Variants in GOT2 observed in about 807,000 individuals in gnomAD.
GOT2 encodes aspartate aminotransferase, mitochondrial.
A neutral mutation model predicts 50.0 loss-of-function variants in GOT2; 17 were observed. That is an observed-to-expected ratio of 0.34 (90% CI 0.23 to 0.51). The LOEUF (loss-of-function observed/expected upper bound fraction) is 0.51. Ranked by LOEUF, GOT2 falls within the 20% of genes least tolerant of loss-of-function variation. The pLI is 0.97. For synonymous variants in GOT2, 172 were observed against 204.9 expected, an observed-to-expected ratio of 0.84 and a Z score of 1.37; for missense variants, 430 against 559.6, an observed-to-expected ratio of 0.77 and a Z score of 2.34.
chr16:58,709,818 AC>A (rs1844855853), intron 8 of GOT2, among the ~76,000 whole-genome samples: 1 of 152,128 alleles, frequency 6.6e-6, no homozygotes, highest in Non-Finnish European at 1.5e-5. Context: ...TTGACTTACA[AC>A]TTTTCAACTT....
intron 7 of GOT2, 126 bp from the exon 8 acceptor site, chr16:58,716,305 T>A: frequency 1.1e-6 from 1 of 949,254 alleles, no homozygotes; most frequent in Non-Finnish European, 1.6e-6. Context: ...TTATTATAAA[T>A]AAAAAGCTTT....
chr16:58,715,301 A>G (rs917912930), intron 8 of GOT2, among the ~76,000 whole-genome samples: 5 of 152,190 alleles, frequency 3.3e-5, no homozygotes, highest in African/African-American at 1.2e-4. Context: ...TTTGAAACTG[A>G]TTTTAGGGGA....
chr16:58,732,807 C>A (rs1413113620), intron 1 of GOT2, among the ~76,000 whole-genome samples: 1 of 152,236 alleles, frequency 6.6e-6, no homozygotes, highest in African/African-American at 2.4e-5. Flanking sequence ...GGGAAACATA[C>A]TTTCTCTTGA....
intron 9 of GOT2, 105 bp downstream of exon 9, chr16:58,709,308 CAAAA>C: frequency 1.3e-6 from 1 of 790,264 alleles, no homozygotes; most frequent in East Asian, 3.0e-5. Flanking sequence ...CAAAACAAAA[CAAAA>C]AACCCGAAAA....
intron 7 of GOT2, 37 bp downstream of exon 7, chr16:58,716,626 C>T: frequency 1.3e-6 from 2 of 1,596,084 alleles, no homozygotes; most frequent in African/African-American, 1.3e-5. Context: ...TCTCTCCCAG[C>T]ATGAGAGCAT....
At chr16:58,716,923 C>T (rs987227017) in intron 6 of GOT2, 110 bp from the exon 7 acceptor site, 2 of 936,010 alleles carry the variant, frequency 2.1e-6, no homozygotes, top group African/African-American at 1.6e-5. Context: ...CCAATAAGCA[C>T]AATAAGCCTT....
chr16:58,716,186 G>A lies in GOT2; in HGVS notation c.854-7C>T, dbSNP rs767786168. On this transcript the variant is annotated splice_polypyrimidine_tract_variant and splice_region_variant and intron_variant, in intron 7 of 9. Transcript: ENST00000245206. Reference sequence around the variant, plus strand: ...AAGGCTCCTACACGCTCACCTGAAAGACAAAAATGGATCTCGTCTTCTACT... The same window carrying A: ...AAGGCTCCTACACGCTCACCTGAAAAACAAAAATGGATCTCGTCTTCTACT... 4 of 1,610,456 alleles carry A rather than the reference G, an allele frequency of 2.5e-6. No homozygotes were observed. Among genetic ancestry groups the A allele is most frequent in the South Asian group, 1.1e-5 (1 of 90,286 alleles).
intron 1 of GOT2, among the ~76,000 whole-genome samples, chr16:58,726,510 T>TATTTATTTATTTATTTATTTATTTATTC (rs1555509479): frequency 6.6e-6 from 1 of 151,018 alleles, no homozygotes; most frequent in Non-Finnish European, 1.5e-5. Context: ...TTTATTTATT[T>TATTTATTTATTTATTTATTTATTTATTC]TTGAGACGGA....
chr16:58,725,061 G>A (rs896288556), intron 1 of GOT2, among the ~76,000 whole-genome samples: 6 of 151,848 alleles, frequency 4.0e-5, no homozygotes, highest in Admixed American at 2.0e-4. Context: ...AAGCTTTTGG[G>A]AGAACAGTAA....
chr16:58,728,622 G>GT (rs2044806544), intron 1 of GOT2, among the ~76,000 whole-genome samples: 1 of 152,178 alleles, frequency 6.6e-6, no homozygotes, highest in East Asian at 1.9e-4. Context: ...AAGCATGGCT[G>GT]TGGGGGGAGA....
chr16:58,708,438 A>G, intron 9 of GOT2, 145 bp from the exon 10 acceptor site: 1 of 740,844 alleles, frequency 1.3e-6, no homozygotes, highest in Non-Finnish European at 2.1e-6. Context: ...GGAATAAAAT[A>G]AGAATAAAAA....
At chr16:58,728,627 G>T (rs1255364488) in intron 1 of GOT2, among the ~76,000 whole-genome samples, 1 of 152,066 alleles carries the variant, frequency 6.6e-6, no homozygotes, top group Admixed American at 6.6e-5. Flanking sequence ...TGGCTGTGGG[G>T]GGAGACAATG....
Position 58,716,035 on chromosome 16 carries a change from G to A in GOT2, c.998C>T (p.Thr333Ile), listed in dbSNP as rs1249620765. 6 of 1,612,830 alleles carry A rather than the reference G, an allele frequency of 3.7e-6. No homozygotes were observed. Among genetic ancestry groups the A allele is most frequent in the African/African-American group, 2.7e-5 (2 of 74,820 alleles). Residue 333 changes from threonine (T) to isoleucine (I), a missense_variant, in exon 8 of 10, where the codon ACC becomes ATC. Transcript: ENST00000245206. ...TTACCATTGTTTTCGCAAATCTGGG[G>A]TGTTCAGAATGGCAGCAGCAATCCG... Reference protein sequence around the residue: ...GARIAAAILNTPDLRKQWLQE... With the variant: ...GARIAAAILNIPDLRKQWLQE...
In GOT2 at chr16:58,715,458, G is replaced by A. The variant is rs997207700; in HGVS notation, c.1019+556C>T. Among the ~76,000 whole-genome samples, 122 of 152,230 alleles carry A rather than the reference G, an allele frequency of 8.0e-4. No individual in the cohort carries two copies. In the Middle Eastern group the frequency reaches 0.01, roughly 13 times the overall value. ...GGCTGAGGCTGGAGGACTGCTTGAGGCCAGGAGTACAAAGTTACAGTGAGT... is the reference window on the plus strand; with the variant it reads ...GGCTGAGGCTGGAGGACTGCTTGAGACCAGGAGTACAAAGTTACAGTGAGT... On this transcript the variant is annotated intron_variant, in intron 8 of 9. Transcript: ENST00000245206.
Position 58,716,689 on chromosome 16 carries a change from G to T in GOT2, c.827C>A (p.Ser276Ter). 2.5e-6 allele frequency: 4 copies of T among 1,613,928 alleles called. No homozygotes were observed. The highest frequency in any genetic ancestry group is 3.4e-6 in the Non-Finnish European group (4 of 1,179,854). ...ATATAAGCCCATGTTCTTGGCATAT[G>T]ATTGGCAGAGGCAAACATTAATGCC... is the stretch of plus-strand genomic sequence containing the variant. ...EQGINVCLCQ[S>*]YAKNMGLYGE... Residue 276 changes from serine to a stop codon, truncating the protein, a stop_gained, in exon 7 of 10, where the codon TCA becomes TAA. Coordinates refer to ENST00000245206, the MANE Select transcript of GOT2 (RefSeq NM_002080.4). LOFTEE classifies it high-confidence loss of function.
chr16:58,714,642 TAGG>T, intron 8 of GOT2, among the ~76,000 whole-genome samples: 1 of 151,270 alleles, frequency 6.6e-6, no homozygotes, highest in Non-Finnish European at 1.5e-5. Context: ...TGCTAGAGCC[TAGG>T]AGGTGGAGGT....
Position 58,723,837 on chromosome 16 carries a change from T to C in GOT2, c.155A>G (p.Lys52Arg). Residue 52 changes from lysine to arginine, a missense_variant, in exon 2 of 10, where the codon AAG becomes AGG. Transcript: ENST00000245206. ...CATCTTTTTGCTATTGGTGTCCCTC[T>C]TAAAGGCTTCAGTGACTCCCAGAAT... is the stretch of plus-strand genomic sequence containing the variant. ...DPILGVTEAF[K>R]RDTNSKKMNL... 6.2e-7 allele frequency: 1 copy of C among 1,613,418 alleles called. No individual in the cohort carries two copies. Among genetic ancestry groups the C allele is most frequent in the Non-Finnish European group, 8.5e-7 (1 of 1,179,330 alleles).
At chr16:58,725,385 G>A (rs1292788484) in intron 1 of GOT2, among the ~76,000 whole-genome samples, 2 of 152,146 alleles carry the variant, frequency 1.3e-5, no homozygotes, top group South Asian at 2.1e-4. Context: ...AAAGTGCTGG[G>A]ATTACAGGCG....
chr16:58,715,928 A>G (rs150470398), intron 8 of GOT2, 86 bp downstream of exon 8: 2 of 1,022,358 alleles, frequency 2.0e-6, no homozygotes, highest in African/African-American at 1.6e-5. Flanking sequence ...GGGGTACTGT[A>G]TATCACTAGA....
Sources: allele counts gnomAD v4.1 joint callset (sites outside exome capture counted in the v4.1 genomes callset), GRCh38; gene constraint gnomAD v4.1.1; transcripts MANE v1.5; gene names NCBI Gene and HGNC (gene_info 2026-07-23, HGNC 2026-07-21).